The following RUBCN variants were observed in gnomAD, a reference collection of about 807,000 sequenced individuals.
The protein encoded by RUBCN is rubicon autophagy regulator.
RUBCN carries 74 observed loss-of-function variants against 113.2 expected under a neutral mutation model. The ratio of observed to expected loss-of-function variants is 0.65; its 90% CI spans 0.54 to 0.79. RUBCN has a LOEUF of 0.79. Among genes scored for constraint, RUBCN ranks in the 30% least tolerant of loss-of-function variants. The pLI, the probability that RUBCN is intolerant of heterozygous loss-of-function variation, is 0.00. For synonymous variants in RUBCN, 480 were observed against 490.0 expected (o/e 0.98, Z 0.27); for missense variants, 1,109 against 1,251.7 (o/e 0.89, Z 1.72).
chr3:197,674,852 G>GTC lies in RUBCN; in HGVS notation c.*165_*166insGA. 1.7e-6 allele frequency: 1 copy of GTC among 590,076 alleles called. No individual in the cohort carries two copies. The highest frequency in any genetic ancestry group is 2.8e-6 in the Non-Finnish European group (1 of 357,790). The allele number at this position is 590,076 out of a possible 1,614,324, so 36.6% of individuals were successfully genotyped here. A position where few individuals can be genotyped will look rare whatever the true frequency, so the allele number is the denominator to read the frequency against. On this transcript the variant is annotated 3_prime_UTR_variant, in exon 20 of 20. Transcript: ENST00000296343. The stretch of plus-strand genomic sequence containing the variant: ...TGGACCCATCAACCTGCCGACGGCT[G>GTC]ACTGCACACAGACGTCAGACAAGTC...
intron 5 of RUBCN, among the ~76,000 whole-genome samples, chr3:197,702,444 C>T (rs955838000): frequency 6.6e-6 from 1 of 152,176 alleles, no homozygotes; most frequent in Non-Finnish European, 1.5e-5. Context: ...GGGCAAATCA[C>T]TTGAGGTCAG....
At chr3:197,735,545 TC>T (rs1375423442) in intron 1 of RUBCN, among the ~76,000 whole-genome samples, 5 of 152,360 alleles carry the variant, frequency 3.3e-5, no homozygotes, top group African/African-American at 1.2e-4. Context: ...GGAAGGCATC[TC>T]TACAGACTCC....
chr3:197,685,071 C>T (rs114838820), intron 11 of RUBCN, among the ~76,000 whole-genome samples: 2,847 of 152,280 alleles, frequency 0.019, 51 homozygotes, highest in African/African-American at 0.053. Context: ...CTGAGGCTAG[C>T]TATACAGGAA....
chr3:197,726,273 G>C (rs1415461426), intron 1 of RUBCN, among the ~76,000 whole-genome samples: 1 of 151,986 alleles, frequency 6.6e-6, no homozygotes, highest in African/African-American at 2.4e-5. Context: ...TTGAGACGGA[G>C]TCTCGCTCTG....
At position 197,681,079 on chromosome 3, in the gene RUBCN, GA is replaced by G. The variant is rs1721177018; in HGVS notation, c.2430+49del. 1.7e-6 allele frequency: 2 copies of G among 1,168,374 alleles called. No homozygotes were observed. The highest frequency in any genetic ancestry group is 2.6e-6 in the Non-Finnish European group (2 of 779,072). The allele number at this position is 1,168,374 out of a possible 1,614,324, so 72.4% of individuals were successfully genotyped here. On this transcript the variant is annotated intron_variant, in intron 16 of 19. Transcript: ENST00000296343. The surrounding 1 kb of genome is among the most constrained non-coding windows in gnomAD (Gnocchi z 5.5). The stretch of plus-strand genomic sequence containing the variant: ...CGGGGGAGGGACGAGGGGAGGGGAT[GA>G]GGGGAGGAGAAGGGCAAGACTCTAA...
intron 2 of RUBCN, among the ~76,000 whole-genome samples, chr3:197,706,502 C>T (rs1233731103): frequency 2.0e-5 from 3 of 151,746 alleles, no homozygotes; most frequent in Non-Finnish European, 2.9e-5. Flanking sequence ...GGCAACATAG[C>T]GAGACCCCAT....
In RUBCN at chr3:197,675,863, G is replaced by C. The variant is rs774207757; in HGVS notation, c.2647-348C>G. On this transcript the variant is annotated intron_variant, in intron 18 of 19. Transcript: ENST00000296343. The surrounding 1 kb of genome is among the most constrained non-coding windows in gnomAD (Gnocchi z 4.4). ...CAGAATAGGAACCACAAGCAATTAA[G>C]ATAAAATGTGGAGACGAGGCTGTTC... Among the ~76,000 whole-genome samples the C allele has an allele frequency of 1.5e-4, 23 of 150,620 alleles. No individual in the cohort carries two copies. The highest frequency in any genetic ancestry group is 3.3e-4 in the Non-Finnish European group (22 of 67,334).
At position 197,674,500 on chromosome 3, in the gene RUBCN, C is replaced by T. The variant is rs140463854; in HGVS notation, c.*518G>A. On this transcript the variant is annotated 3_prime_UTR_variant, in exon 20 of 20. Coordinates refer to ENST00000296343, the MANE Select transcript of RUBCN (RefSeq NM_014687.4). The stretch of plus-strand genomic sequence containing the variant: ...AAATAAGTGGACGAAATGCCCATGA[C>T]GTAGTCCTATTCTCTGCTGCTTCTC... The T allele has an allele frequency of 2.0e-4, 102 of 500,272 alleles. No individual in the cohort carries two copies. The highest frequency in any genetic ancestry group is 1.8e-3 in the African/African-American group (88 of 49,588). The allele number at this position is 500,272 out of a possible 1,614,324, so 31.0% of individuals were successfully genotyped here. A position where few individuals can be genotyped will look rare whatever the true frequency, so the allele number is the denominator to read the frequency against.
chr3:197,679,929 G>T (rs1721005012), intron 16 of RUBCN, among the ~76,000 whole-genome samples: 1 of 141,876 alleles, frequency 7.0e-6, no homozygotes, highest in Admixed American at 7.0e-5. Flanking sequence ...CTGACAACTG[G>T]CTCCAGACTG....
At chr3:197,733,480 T>C (rs1360048168) in intron 1 of RUBCN, among the ~76,000 whole-genome samples, 1 of 152,148 alleles carries the variant, frequency 6.6e-6, no homozygotes, top group Non-Finnish European at 1.5e-5. Flanking sequence ...AGACCCTATC[T>C]TTAAAATATA....
intron 1 of RUBCN, among the ~76,000 whole-genome samples, chr3:197,725,271 G>A (rs1281303378): frequency 6.6e-6 from 1 of 151,928 alleles, no homozygotes; most frequent in Admixed American, 6.6e-5. Context: ...GGTAGCGAGA[G>A]ACTATCACAT....
chr3:197,716,147 A>G (rs1725485471), intron 2 of RUBCN, among the ~76,000 whole-genome samples: 1 of 152,166 alleles, frequency 6.6e-6, no homozygotes, highest in South Asian at 2.1e-4. Flanking sequence ...TGTTGTTGTG[A>G]GATACAGTCT....
exon 1 of RUBCN, chr3:197,749,393 G>C (rs567765477): frequency 2.5e-6 from 3 of 1,190,914 alleles, no homozygotes; most frequent in African/African-American, 1.6e-5. Context: ...TTAAGGTGAC[G>C]CAGGAACCGT....
At chr3:197,723,576 A>C (rs1169949303) in intron 1 of RUBCN, among the ~76,000 whole-genome samples, 1 of 152,252 alleles carries the variant, frequency 6.6e-6, no homozygotes, top group East Asian at 1.9e-4. Flanking sequence ...CTTTAACTCC[A>C]TTCCTCCCCA....
chr3:197,693,738 T>C lies in RUBCN; in HGVS notation c.1763A>G (p.Glu588Gly), dbSNP rs769532882. 6.2e-7 allele frequency: 1 copy of C among 1,613,154 alleles called. No homozygotes were observed. Among genetic ancestry groups the C allele is most frequent in the Non-Finnish European group, 8.5e-7 (1 of 1,179,172 alleles). ...AQLSDSGSAD[E>G]VDEFEIQDAD... ...ACCTTGGATTTCAAATTCATCAACC[T>C]CATCAGCAGAGCCAGAGTCAGAGAG... Residue 588 changes from glutamate to glycine, a missense_variant, in exon 11 of 20, where the codon GAG becomes GGG. Physicochemically the swap from Glu to Gly is moderately conservative, Grantham distance 98. Around this residue, in one of 3 missense-constraint regions of RUBCN, gnomAD observed 736 missense variants for 779.6 expected, o/e 0.94. Transcript: ENST00000296343.
chr3:197,686,447 G>T (rs1721853796), intron 11 of RUBCN, among the ~76,000 whole-genome samples: 1 of 152,206 alleles, frequency 6.6e-6, no homozygotes, highest in Non-Finnish European at 1.5e-5. Flanking sequence ...ACCCCGGACT[G>T]GAGGGAGAGA....
In RUBCN at chr3:197,700,731, G is replaced by C. The variant is rs1419324471; in HGVS notation, c.1143C>G (p.Ser381=). ...DQEGGGESQL[S]SVLRRSSFSE... ...AGAAGCTGGACCTGCGGAGGACACT[G>C]GACAGCTGGCTCTCCCCACCTCCTT... The change falls in exon 7 of 20, where the codon TCC becomes TCG. Residue 381 remains serine, a synonymous_variant. Coordinates refer to ENST00000296343, the MANE Select transcript of RUBCN (RefSeq NM_014687.4). 1.2e-6 allele frequency: 2 copies of C among 1,614,094 alleles called. No homozygotes were observed. The highest frequency in any genetic ancestry group is 8.5e-7 in the Non-Finnish European group (1 of 1,180,036).
intron 5 of RUBCN, among the ~76,000 whole-genome samples, chr3:197,703,199 C>G (rs1723877884): frequency 6.6e-6 from 1 of 151,698 alleles, no homozygotes; most frequent in African/African-American, 2.4e-5. Flanking sequence ...GAGATCGAGA[C>G]CGTCCTGGCC....
At chr3:197,696,803 C>T (rs759348422) in intron 8 of RUBCN, 151 bp downstream of exon 8, 9 of 639,402 alleles carry the variant, frequency 1.4e-5, no homozygotes, top group South Asian at 3.3e-5. Flanking sequence ...ATTTCTAGCA[C>T]GGGGGTTAAA....
Sources: gnomAD v4.1 joint callset for allele counts (sites outside exome capture counted in the v4.1 genomes callset) on GRCh38, gnomAD v4.1.1 for gene constraint, gnomAD v4.1.1 regional missense constraint, Gnocchi (gnomAD v3.1) non-coding constraint, MANE v1.5 for transcripts, NCBI Gene and HGNC (gene_info 2026-07-23, HGNC 2026-07-21) for gene names.